Variants in EXOC4 observed in about 807,000 individuals in gnomAD.
The protein encoded by EXOC4 is exocyst complex component 4.
EXOC4 carries 71 observed loss-of-function variants against 107.2 expected under a neutral mutation model. The ratio of observed to expected loss-of-function variants is 0.66; its 90% CI spans 0.55 to 0.81. The LOEUF (loss-of-function observed/expected upper bound fraction) is 0.81. EXOC4 is among the 30% of genes least tolerant of loss of function. EXOC4 has a pLI of 0.00. For missense variants in EXOC4, 1,108 were observed against 1,189.6 expected (o/e 0.93, Z 1.01); for synonymous variants, 456 against 441.2 (o/e 1.03, Z -0.42).
intron 3 of EXOC4, among the ~76,000 whole-genome samples, chr7:133,289,320 T>C (rs535711748): frequency 1.3e-5 from 2 of 152,220 alleles, no homozygotes; most frequent in African/African-American, 4.8e-5. Context: ...TATCTGTCTT[T>C]GTAACAATGG....
At chr7:133,684,232 T>C (rs1205536170) in intron 10 of EXOC4, among the ~76,000 whole-genome samples, 2 of 152,170 alleles carry the variant, frequency 1.3e-5, no homozygotes, top group Non-Finnish European at 2.9e-5. Context: ...CAAATCAAAG[T>C]GTTCATCCTT....
chr7:133,471,266 G>A (rs935167175), intron 7 of EXOC4, among the ~76,000 whole-genome samples: 6 of 152,042 alleles, frequency 3.9e-5, no homozygotes, highest in African/African-American at 1.4e-4. Flanking sequence ...ACAAAAATTA[G>A]CTGGGCGTGG....
chr7:134,061,969 C>T (rs1796070680), intron 17 of EXOC4, among the ~76,000 whole-genome samples: 1 of 152,194 alleles, frequency 6.6e-6, no homozygotes, highest in African/African-American at 2.4e-5. Context: ...ACTGATCTGG[C>T]ACTGGGGTCT....
chr7:133,944,806 C>A (rs1800511429), intron 14 of EXOC4, among the ~76,000 whole-genome samples: 1 of 152,100 alleles, frequency 6.6e-6, no homozygotes, highest in Non-Finnish European at 1.5e-5. Flanking sequence ...ATACCTTGAG[C>A]CACTTGACTA....
intron 17 of EXOC4, among the ~76,000 whole-genome samples, chr7:134,033,851 A>G (rs1795326362): frequency 6.6e-6 from 1 of 152,240 alleles, no homozygotes; most frequent in African/African-American, 2.4e-5. Flanking sequence ...AGTGCTAAGA[A>G]ATAATGAAGC....
chr7:133,842,491 G>A (rs905362599), intron 11 of EXOC4, among the ~76,000 whole-genome samples: 13 of 152,130 alleles, frequency 8.5e-5, no homozygotes, highest in Admixed American at 2.0e-4. Flanking sequence ...ACTTCTTAAT[G>A]GGGTTGATTA....
At chr7:133,671,006 T>C (rs1793932787) in intron 10 of EXOC4, among the ~76,000 whole-genome samples, 1 of 152,122 alleles carries the variant, frequency 6.6e-6, no homozygotes, top group Non-Finnish European at 1.5e-5. Flanking sequence ...AAGCAAAGAC[T>C]TGAATGAATT....
At chr7:133,736,083 T>G (rs1031008852) in intron 10 of EXOC4, among the ~76,000 whole-genome samples, 1 of 151,730 alleles carries the variant, frequency 6.6e-6, no homozygotes, top group Admixed American at 6.6e-5. Context: ...AGGGAGACCC[T>G]GTCTCAAAAA....
At chr7:133,363,878 T>A (rs1406902630) in intron 6 of EXOC4, among the ~76,000 whole-genome samples, 1 of 152,160 alleles carries the variant, frequency 6.6e-6, no homozygotes, top group African/African-American at 2.4e-5. Flanking sequence ...CTGGATCTTT[T>A]CATTGCAAAA....
intron 7 of EXOC4, among the ~76,000 whole-genome samples, chr7:133,419,433 A>G (rs545065110): frequency 6.6e-6 from 1 of 152,304 alleles, no homozygotes; most frequent in Non-Finnish European, 1.5e-5. Context: ...AGTTTTGAGA[A>G]CTAACAGTAA....
intron 10 of EXOC4, among the ~76,000 whole-genome samples, chr7:133,688,336 C>T (rs1287779889): frequency 6.6e-6 from 1 of 152,070 alleles, no homozygotes; most frequent in African/African-American, 2.4e-5. Context: ...TTTGATTAAA[C>T]AGAATGAAAA....
chr7:133,926,820 A>G (rs1262719581), intron 13 of EXOC4, among the ~76,000 whole-genome samples: 1 of 152,166 alleles, frequency 6.6e-6, no homozygotes, highest in South Asian at 2.1e-4. Context: ...TCTTTATTTT[A>G]TCTGGAGAAT....
At chr7:133,803,553 T>A (rs1796998212) in intron 10 of EXOC4, among the ~76,000 whole-genome samples, 1 of 152,196 alleles carries the variant, frequency 6.6e-6, no homozygotes. Context: ...CAGGAACTGA[T>A]AATATTGTAA....
At chr7:133,817,064 C>A (rs1797389515) in intron 10 of EXOC4, among the ~76,000 whole-genome samples, 1 of 152,080 alleles carries the variant, frequency 6.6e-6, no homozygotes, top group South Asian at 2.1e-4. Context: ...GTCTTATCTC[C>A]TTCTGGAATT....
intron 11 of EXOC4, among the ~76,000 whole-genome samples, chr7:133,820,144 C>T (rs1013195853): frequency 6.9e-6 from 1 of 144,886 alleles, no homozygotes; most frequent in African/African-American, 2.5e-5. Context: ...AGAGTTAACA[C>T]ACCTGCTTCA....
chr7:133,356,293 A>G (rs367612020), intron 5 of EXOC4, 37 bp from the exon 6 acceptor site: 20 of 1,604,938 alleles, frequency 1.2e-5, no homozygotes, highest in Non-Finnish European at 1.6e-5. Flanking sequence ...TTTTGAGTGG[A>G]GTCTGTATCT....
At chr7:134,015,131 G>A (rs1293111206) in intron 17 of EXOC4, among the ~76,000 whole-genome samples, 1 of 152,184 alleles carries the variant, frequency 6.6e-6, no homozygotes, top group East Asian at 1.9e-4. Context: ...CCTGAAGTCA[G>A]GGCTGGCTTT....
chr7:133,783,579 A>T (rs1430120245), intron 10 of EXOC4, among the ~76,000 whole-genome samples: 1 of 151,982 alleles, frequency 6.6e-6, no homozygotes, highest in Non-Finnish European at 1.5e-5. Context: ...ATTTTCTTGA[A>T]CTCTGTTACA....
At chr7:133,776,252 G>A (rs115858010) in intron 10 of EXOC4, among the ~76,000 whole-genome samples, 1,955 of 152,092 alleles carry the variant, frequency 0.013, 39 homozygotes, top group African/African-American at 0.044. Context: ...TACAAATGGT[G>A]TTGTCTTTAT....
Sources: allele counts gnomAD v4.1 joint callset (sites outside exome capture counted in the v4.1 genomes callset), GRCh38; gene constraint gnomAD v4.1.1; transcripts MANE v1.5; gene names NCBI Gene and HGNC (gene_info 2026-07-23, HGNC 2026-07-21).